CDH18: variants seen among roughly 807,000 people sequenced by gnomAD.
CDH18 encodes cadherin 18.
CDH18 carries 31 observed loss-of-function variants against 67.9 expected under a neutral mutation model. The observed-to-expected ratio is 0.46, with a 90% CI of 0.34 to 0.62. The LOEUF (loss-of-function observed/expected upper bound fraction) is 0.62. CDH18 is among the 20% of genes least tolerant of loss of function. CDH18 has a pLI of 0.01. For synonymous variants in CDH18, 362 were observed against 347.2 expected (o/e 1.04, Z -0.48); for missense variants, 890 against 975.5 (o/e 0.91, Z 1.17).
chr5:19,703,727 C>G (rs113406875), intron 5 of CDH18, among the ~76,000 whole-genome samples: 34 of 151,746 alleles, frequency 2.2e-4, no homozygotes, highest in African/African-American at 6.3e-4. Context: ...CCCTGCCCCC[C>G]CTGCCCCCCG....
chr5:19,561,398 T>G (rs1224100527), intron 8 of CDH18, among the ~76,000 whole-genome samples: 2 of 152,114 alleles, frequency 1.3e-5, no homozygotes, highest in East Asian at 3.9e-4. Flanking sequence ...CTAAGTTCAA[T>G]AACTCGGGAA....
At chr5:19,677,163 T>C (rs540955724) in intron 5 of CDH18, among the ~76,000 whole-genome samples, 206 of 151,742 alleles carry the variant, frequency 1.4e-3, no homozygotes, top group Non-Finnish European at 2.4e-3. Context: ...TTGGGAAGAG[T>C]AAGGTCATCT....
chr5:20,182,638 G>A (rs1737781719), intron 2 of CDH18, among the ~76,000 whole-genome samples: 1 of 146,252 alleles, frequency 6.8e-6, no homozygotes, highest in Non-Finnish European at 1.5e-5. Context: ...GGCATTTTGA[G>A]AAGGGATTAA....
intron 2 of CDH18, among the ~76,000 whole-genome samples, chr5:20,042,680 T>C (rs1317580540): frequency 1.3e-5 from 2 of 152,162 alleles, no homozygotes; most frequent in African/African-American, 4.8e-5. Flanking sequence ...AAACATTTTA[T>C]GGGCCGGGTG....
At chr5:20,069,026 A>C (rs1743214369) in intron 2 of CDH18, among the ~76,000 whole-genome samples, 1 of 152,124 alleles carries the variant, frequency 6.6e-6, no homozygotes, top group Admixed American at 6.6e-5. Flanking sequence ...ACAGAAGCTT[A>C]TGAGCCAGTG....
intron 2 of CDH18, among the ~76,000 whole-genome samples, chr5:20,046,701 T>G (rs2150482193): frequency 6.7e-6 from 1 of 150,360 alleles, no homozygotes; most frequent in South Asian, 2.1e-4. Context: ...TATATATATA[T>G]AATCAAAGAT....
chr5:20,131,001 C>T (rs890568520), intron 2 of CDH18, among the ~76,000 whole-genome samples: 1 of 151,972 alleles, frequency 6.6e-6, no homozygotes, highest in African/African-American at 2.4e-5. Flanking sequence ...CACTGTTTTA[C>T]TGAAACTACT....
intron 1 of CDH18, among the ~76,000 whole-genome samples, chr5:20,334,747 C>CA (rs1739555242): frequency 1.6e-5 from 2 of 125,194 alleles, no homozygotes; most frequent in African/African-American, 3.6e-5. Flanking sequence ...CTCTCTCTCT[C>CA]TCTCATACAC....
chr5:19,601,654 A>C (rs1747144962), intron 6 of CDH18, among the ~76,000 whole-genome samples: 3 of 152,088 alleles, frequency 2.0e-5, no homozygotes, highest in African/African-American at 7.2e-5. Flanking sequence ...AAATAATAGA[A>C]AATTAAAAAC....
At chr5:20,440,438 T>C (rs1749522303) in intron 1 of CDH18, among the ~76,000 whole-genome samples, 1 of 151,886 alleles carries the variant, frequency 6.6e-6, no homozygotes, top group Non-Finnish European at 1.5e-5. Flanking sequence ...GGATTGGATA[T>C]ACTTCAAAGA....
At chr5:19,983,039 A>G in intron 1 of CDH18, among the ~76,000 whole-genome samples, 1 of 150,884 alleles carries the variant, frequency 6.6e-6, no homozygotes, top group Non-Finnish European at 1.5e-5. Flanking sequence ...TCTCGAAAAA[A>G]AAAAAAAAAA....
chr5:19,544,237 C>A (rs1157568533), intron 8 of CDH18, among the ~76,000 whole-genome samples: 1 of 151,780 alleles, frequency 6.6e-6, no homozygotes, highest in African/African-American at 2.4e-5. Context: ...TAAGGTCTTA[C>A]CAAATTCCAT....
chr5:20,279,380 C>G (rs1325172708), intron 1 of CDH18, among the ~76,000 whole-genome samples: 1 of 151,978 alleles, frequency 6.6e-6, no homozygotes, highest in Non-Finnish European at 1.5e-5. Context: ...TCACCCCACA[C>G]TGGAGTACAC....
intron 1 of CDH18, among the ~76,000 whole-genome samples, chr5:20,460,472 C>T (rs1035662546): frequency 2.0e-5 from 3 of 151,746 alleles, no homozygotes; most frequent in Non-Finnish European, 4.4e-5. Flanking sequence ...GCATCTTATC[C>T]GGGGCAGGTA....
intron 1 of CDH18, among the ~76,000 whole-genome samples, chr5:20,500,201 G>C (rs559135884): frequency 8.6e-5 from 13 of 151,932 alleles, no homozygotes; most frequent in African/African-American, 3.1e-4. Context: ...AGTTCTATAG[G>C]CACTCAAACA....
Position 20,566,526 on chromosome 5 carries a change from A to ATT in CDH18, c.-580+8934_-580+8935dup, listed in dbSNP as rs33950954. On this transcript the variant is annotated intron_variant, in intron 1 of 14. Coordinates refer to the CDH18 transcript ENST00000507958. ...AGGTTCGCGCCACCATGCCCAGCTA[A>ATT]TTTTTTTTTTTTTTTTTTTTTTGTA... is the stretch of plus-strand genomic sequence containing the variant. Among the ~76,000 whole-genome samples the ATT allele has an allele frequency of 8.7e-3, 847 of 97,348 alleles. 16 individuals are homozygous for ATT. Among genetic ancestry groups the ATT allele is most frequent in the African/African-American group, 0.018 (446 of 24,644 alleles). 63.9% of individuals were successfully genotyped at this position (97,348 alleles called of 152,430 possible). A position where few individuals can be genotyped will look rare whatever the true frequency, so the allele number is the denominator to read the frequency against.
rs1382516627 is a variant in CDH18 at position 20,331,516 on chromosome 5, C to G, written c.-579-76011G>C. 7.2e-5 allele frequency: 11 copies of G among 152,180 alleles called. No homozygotes were observed. In the South Asian group the frequency reaches 1.9e-3, roughly 26 times the overall value. The allele number at this position is 152,180 out of a possible 1,614,324, so 9.4% of individuals were successfully genotyped here. ...GTGAAATAGATTTTTTTTGAAAGTC[C>G]TATTGTATATTCAAAATTCTGTAAC... On this transcript the variant is annotated intron_variant, in intron 1 of 14. Coordinates refer to the CDH18 transcript ENST00000507958.
intron 1 of CDH18, among the ~76,000 whole-genome samples, chr5:20,530,378 A>G (rs933189211): frequency 6.6e-6 from 1 of 152,120 alleles, no homozygotes; most frequent in African/African-American, 2.4e-5. Context: ...ATTAGAAAAA[A>G]AAACCTATTT....
chr5:19,707,403 G>C (rs1206884611), intron 5 of CDH18, among the ~76,000 whole-genome samples: 1 of 152,158 alleles, frequency 6.6e-6, no homozygotes, highest in Non-Finnish European at 1.5e-5. Flanking sequence ...CTGACACAGA[G>C]AACAATTATA....
Sources: allele counts gnomAD v4.1 joint callset (sites outside exome capture counted in the v4.1 genomes callset), GRCh38; gene constraint gnomAD v4.1.1; transcripts MANE v1.5; gene names NCBI Gene and HGNC (gene_info 2026-07-23, HGNC 2026-07-21).